The following ACSS3 variants were observed in gnomAD, a reference collection of about 807,000 sequenced individuals.
ACSS3 encodes acyl-CoA synthetase short chain family member 3.
In ACSS3, 64 loss-of-function variants were observed where a neutral mutation model predicts 84.2. That is an observed-to-expected ratio of 0.76 (90% CI 0.62 to 0.94). The LOEUF (loss-of-function observed/expected upper bound fraction) is 0.94. ACSS3 is among the 40% of genes least tolerant of loss of function. The pLI, the probability that ACSS3 is intolerant of heterozygous loss-of-function variation, is 0.00. For synonymous variants in ACSS3, 317 were observed against 310.1 expected (o/e 1.02, Z -0.23); for missense variants, 815 against 867.6 (o/e 0.94, Z 0.76).
At chr12:81,094,220 C>A (rs10862234) in intron 1 of ACSS3, among the ~76,000 whole-genome samples, 47,744 of 147,610 alleles carry the variant, frequency 0.32, 7,862 homozygotes, top group Admixed American at 0.44. Flanking sequence ...GTTTCTCTTT[C>A]CTTCCTTCTG....
intron 11 of ACSS3, among the ~76,000 whole-genome samples, chr12:81,226,889 A>G (rs1420728686): frequency 6.6e-6 from 1 of 151,826 alleles, no homozygotes; most frequent in Non-Finnish European, 1.5e-5. Context: ...TTTTTAAAAC[A>G]CATTTGGTAA....
chr12:81,169,011 C>T (rs1887532155), intron 7 of ACSS3, among the ~76,000 whole-genome samples: 1 of 152,180 alleles, frequency 6.6e-6, no homozygotes, highest in South Asian at 2.1e-4. Context: ...CACAACAGTG[C>T]TCAGCCCAAA....
At chr12:81,187,157 A>C (rs2031311002) in intron 8 of ACSS3, among the ~76,000 whole-genome samples, 1 of 151,748 alleles carries the variant, frequency 6.6e-6, no homozygotes, top group Admixed American at 6.6e-5. Flanking sequence ...CAACAACAAA[A>C]AAAAATCAAA....
At chr12:81,225,101 C>G (rs1360440263) in intron 11 of ACSS3, among the ~76,000 whole-genome samples, 2 of 151,756 alleles carry the variant, frequency 1.3e-5, no homozygotes, top group African/African-American at 4.8e-5. Context: ...CATGGTTTCT[C>G]AGGCACCCAC....
At chr12:81,081,143 G>A (rs752282153) in intron 1 of ACSS3, among the ~76,000 whole-genome samples, 15 of 152,102 alleles carry the variant, frequency 9.9e-5, no homozygotes, top group Non-Finnish European at 2.2e-4. Context: ...GAACCCACAG[G>A]CTTATCAAAA....
chr12:81,106,591 G>T (rs1041652410), intron 1 of ACSS3, among the ~76,000 whole-genome samples: 2 of 152,088 alleles, frequency 1.3e-5, no homozygotes, highest in Non-Finnish European at 2.9e-5. Flanking sequence ...ATGCCAAAAA[G>T]GTTGGGGACT....
At chr12:81,094,184 CTG>C (rs34746505) in intron 1 of ACSS3, among the ~76,000 whole-genome samples, 54 of 146,602 alleles carry the variant, frequency 3.7e-4, no homozygotes, top group East Asian at 1.4e-3. Context: ...GTCTCTCTCT[CTG>C]TGTGTGTGTG....
rs529977555 is a variant in ACSS3 at position 81,233,594 on chromosome 12, T to A, written c.1719+123T>A. 2.2e-5 allele frequency: 27 copies of A among 1,249,946 alleles called. No individual in the cohort carries two copies. In the East Asian group the frequency reaches 6.3e-4, roughly 29 times the overall value. The allele number at this position is 1,249,946 out of a possible 1,614,324, so 77.4% of individuals were successfully genotyped here. A position where few individuals can be genotyped will look rare whatever the true frequency, so the allele number is the denominator to read the frequency against. ...CCCTTCATTTGCAGCAGAGGCTAGGTTACTCTTACATCTCTCCCACCTCAC... is the reference window on the plus strand; with the variant it reads ...CCCTTCATTTGCAGCAGAGGCTAGGATACTCTTACATCTCTCCCACCTCAC... On this transcript the variant is annotated intron_variant, in intron 13 of 15. Transcript: ENST00000548058.
chr12:81,232,085 G>A (rs1043502329), intron 12 of ACSS3, among the ~76,000 whole-genome samples: 4 of 151,766 alleles, frequency 2.6e-5, no homozygotes, highest in African/African-American at 9.7e-5. Context: ...GTCCTCAATA[G>A]CCAAGATTAA....
intron 13 of ACSS3, among the ~76,000 whole-genome samples, chr12:81,235,740 T>C (rs1032051325): frequency 6.6e-6 from 1 of 151,486 alleles, no homozygotes; most frequent in African/African-American, 2.4e-5. Flanking sequence ...TTAGCTATTA[T>C]ACATTTTTTA....
rs2031872769 is a variant in ACSS3 at position 81,197,078 on chromosome 12, A to G, written c.1251-2263A>G. Among the ~76,000 whole-genome samples the G allele has an allele frequency of 2.0e-5, 3 of 152,168 alleles. No homozygotes were observed. In the South Asian group the frequency reaches 6.2e-4, roughly 32 times the overall value. ...TTTTTTTAATTTTCTCAGAAAACGA[A>G]CGTGGATTAGTAACAGCACATTGGA... On this transcript the variant is annotated intron_variant, in intron 8 of 15. Transcript: ENST00000548058.
At chr12:81,224,290 A>AAAAT (rs1038615493) in intron 11 of ACSS3, among the ~76,000 whole-genome samples, 1 of 151,916 alleles carries the variant, frequency 6.6e-6, no homozygotes, top group African/African-American at 2.4e-5. Flanking sequence ...ACTACAGAAA[A>AAAAT]AAATATTCTT....
intron 9 of ACSS3, among the ~76,000 whole-genome samples, chr12:81,210,184 T>G (rs1023194917): frequency 5.3e-5 from 8 of 152,156 alleles, no homozygotes; most frequent in African/African-American, 1.9e-4. Context: ...CTGACATATT[T>G]TCCCCTTCCC....
chr12:81,108,854 A>G (rs7297387), intron 1 of ACSS3, among the ~76,000 whole-genome samples: 61,442 of 152,088 alleles, frequency 0.4, 14,064 homozygotes, highest in Non-Finnish European at 0.53. Flanking sequence ...CTTTTCTTTT[A>G]GAAAAATGAG....
At chr12:81,175,005 A>G in intron 8 of ACSS3, 66 bp downstream of exon 8, 3 of 1,546,096 alleles carry the variant, frequency 1.9e-6, no homozygotes, top group Non-Finnish European at 2.6e-6. Context: ...AGTGAACATT[A>G]TTTTTTTTCT....
intron 8 of ACSS3, among the ~76,000 whole-genome samples, chr12:81,190,117 C>T (rs1195890907): frequency 1.3e-5 from 2 of 151,990 alleles, no homozygotes; most frequent in Non-Finnish European, 2.9e-5. Flanking sequence ...CAAGCTTATT[C>T]TTTTTCAAAT....
At chr12:81,249,645 T>C (rs2034090279) in intron 13 of ACSS3, among the ~76,000 whole-genome samples, 1 of 152,086 alleles carries the variant, frequency 6.6e-6, no homozygotes, top group Admixed American at 6.5e-5. Context: ...AAATGACTAT[T>C]GGATTTAAGT....
chr12:81,169,562 G>T (rs578188443), intron 7 of ACSS3, among the ~76,000 whole-genome samples: 1 of 152,026 alleles, frequency 6.6e-6, no homozygotes, highest in Admixed American at 6.5e-5. Context: ...TCCCTTGAAG[G>T]TTGTCAATCT....
intron 9 of ACSS3, among the ~76,000 whole-genome samples, chr12:81,207,498 T>C (rs2032397828): frequency 6.6e-6 from 1 of 152,140 alleles, no homozygotes; most frequent in African/African-American, 2.4e-5. Context: ...AATTGAAAGC[T>C]TTAAGTGAAG....
Sources: gnomAD v4.1 joint callset for allele counts (sites outside exome capture counted in the v4.1 genomes callset) on GRCh38, gnomAD v4.1.1 for gene constraint, MANE v1.5 for transcripts, NCBI Gene and HGNC (gene_info 2026-07-23, HGNC 2026-07-21) for gene names.